The following PLA2G5 variants were observed in gnomAD, a reference collection of about 807,000 sequenced individuals.
PLA2G5 encodes Ca2+-dependent phospholipase A2.
Under a neutral mutation model 15.9 loss-of-function variants are expected in PLA2G5, and 12 were observed. The ratio of observed to expected loss-of-function variants is 0.76; its 90% CI spans 0.48 to 1.23. The LOEUF (loss-of-function observed/expected upper bound fraction) is 1.23. Ranked by LOEUF, PLA2G5 falls within the 50% of genes most tolerant of loss-of-function variation. PLA2G5 has a pLI of 0.00. For missense variants in PLA2G5, 169 were observed against 177.1 expected, an observed-to-expected ratio of 0.95 and a Z score of 0.26; for synonymous variants, 71 against 71.4, an observed-to-expected ratio of 0.99 and a Z score of 0.03.
chr1:20,046,496 T>A (rs1046671035), intron 1 of PLA2G5, among the ~76,000 whole-genome samples: 1 of 152,188 alleles, frequency 6.6e-6, no homozygotes, highest in Non-Finnish European at 1.5e-5. Flanking sequence ...TCTCCTTCCC[T>A]CTCTTGCCAT....
At chr1:20,030,126 GAA>G (rs2012839091) in intron 1 of PLA2G5, among the ~76,000 whole-genome samples, 1 of 152,130 alleles carries the variant, frequency 6.6e-6, no homozygotes, top group Non-Finnish European at 1.5e-5. Context: ...TATAGAGAGA[GAA>G]GAGTGGACCC....
chr1:20,036,661 A>T (rs1386911595), intron 1 of PLA2G5, among the ~76,000 whole-genome samples: 1 of 151,614 alleles, frequency 6.6e-6, no homozygotes, highest in East Asian at 1.9e-4. Context: ...ATTATTTTTT[A>T]AATTTCTTTC....
chr1:20,086,152 C>T lies in PLA2G5; in HGVS notation c.110C>T (p.Ala37Val), dbSNP rs142480941. The change falls in exon 3 of 5, where the codon GCC becomes GTC. Residue 37 changes from alanine to valine, a missense_variant. Ala to Val is a moderately conservative substitution (Grantham distance 64). Transcript: ENST00000375108. ...SMIEKVTGKNALTNYGFYGCY... is the reference protein window; with the variant it reads ...SMIEKVTGKNVLTNYGFYGCY... ...ATCGAGAAGGTGACAGGGAAGAACG[C>T]CCTGACAAACTACGGCTTCTACGGC... 7 of 1,613,962 alleles carry T rather than the reference C, an allele frequency of 4.3e-6. No individual in the cohort carries two copies. Among genetic ancestry groups the T allele is most frequent in the Non-Finnish European group, 5.9e-6 (7 of 1,180,000 alleles).
chr1:20,090,779 A>T lies in PLA2G5; in HGVS notation c.*87A>T. 7.1e-7 allele frequency: 1 copy of T among 1,405,994 alleles called. No homozygotes were observed. Among genetic ancestry groups the T allele is most frequent in the Non-Finnish European group, 1.0e-6 (1 of 998,832 alleles). The allele number at this position is 1,405,994 out of a possible 1,614,324, so 87.1% of individuals were successfully genotyped here. A position where few individuals can be genotyped will look rare whatever the true frequency, so the allele number is the denominator to read the frequency against. Reference sequence around the variant, plus strand: ...ACTGACTCTGCCTGGTTCCTGAGAGAGGCTCCTAAGTCACAGACCTCAGTC... The same window carrying T: ...ACTGACTCTGCCTGGTTCCTGAGAGTGGCTCCTAAGTCACAGACCTCAGTC... On this transcript the variant is annotated 3_prime_UTR_variant, in exon 5 of 5. Coordinates refer to ENST00000375108, the MANE Select transcript of PLA2G5 (RefSeq NM_000929.3).
rs1479299839 is a variant in PLA2G5 at position 20,091,841 on chromosome 1, G to A, written c.*1149G>A. ...CCCCAAAATAACTGCATGATAAATAGGTCTATATTTAAAAAGCTCTAGTGT... is the reference window on the plus strand; with the variant it reads ...CCCCAAAATAACTGCATGATAAATAAGTCTATATTTAAAAAGCTCTAGTGT... On this transcript the variant is annotated 3_prime_UTR_variant, in exon 5 of 5. Coordinates refer to ENST00000375108, the MANE Select transcript of PLA2G5 (RefSeq NM_000929.3). Among the ~76,000 whole-genome samples, 1 of 152,064 alleles carries A rather than the reference G, an allele frequency of 6.6e-6. No homozygotes were observed. The highest frequency in any genetic ancestry group is 1.5e-5 in the Non-Finnish European group (1 of 68,024).
At chr1:20,042,374 T>G (rs2013649632) in intron 1 of PLA2G5, among the ~76,000 whole-genome samples, 1 of 151,912 alleles carries the variant, frequency 6.6e-6, no homozygotes, top group South Asian at 2.1e-4. Flanking sequence ...GATACAGCCG[T>G]GGGGGTCAGG....
At chr1:20,046,031 G>A (rs936832055) in intron 1 of PLA2G5, 2 of 152,252 alleles carry the variant, frequency 1.3e-5, no homozygotes, top group Middle Eastern at 3.4e-3. Flanking sequence ...TTGGAAGGCA[G>A]GTAACTCCTT....
At position 20,090,703 on chromosome 1, in the gene PLA2G5, C is replaced by T. The variant is rs754485678; in HGVS notation, c.*11C>T. The T allele has an allele frequency of 6.2e-6, 10 of 1,613,618 alleles. No homozygotes were observed. Among genetic ancestry groups the T allele is most frequent in the Non-Finnish European group, 8.5e-6 (10 of 1,179,644 alleles). ...ATCCTCTGCTCCTAGGCCTCCCCAGCGAGCTCCTCCCAGACCAAGACTTTT... is the reference window on the plus strand; with the variant it reads ...ATCCTCTGCTCCTAGGCCTCCCCAGTGAGCTCCTCCCAGACCAAGACTTTT... On this transcript the variant is annotated 3_prime_UTR_variant, in exon 5 of 5. Transcript: ENST00000375108.
intron 2 of PLA2G5, among the ~76,000 whole-genome samples, chr1:20,062,531 T>C (rs1202349039): frequency 6.6e-6 from 1 of 152,184 alleles, no homozygotes; most frequent in Non-Finnish European, 1.5e-5. Flanking sequence ...TGGCAGCTCA[T>C]GCCTGTAATC....
In PLA2G5 at chr1:20,050,159, C is replaced by A. The variant is rs114445246; in HGVS notation, n.277-9473C>A. Among the ~76,000 whole-genome samples the A allele has an allele frequency of 2.4e-3, 363 of 152,208 alleles. 2 individuals carry two copies. Among genetic ancestry groups the A allele is most frequent in the African/African-American group, 7.4e-3 (307 of 41,522 alleles). ...TTTTTAAAATTAAGGTTATTATATT[C>A]ATGTATCTTTCTGTATGTGCTTTTA... is the stretch of plus-strand genomic sequence containing the variant. On this transcript the variant is annotated intron_variant and non_coding_transcript_variant, in intron 1 of 6. Coordinates refer to the PLA2G5 transcript ENST00000460175.
chr1:20,028,553 G>A (rs542471501), exon 1 of PLA2G5: 1 of 152,336 alleles, frequency 6.6e-6, no homozygotes, highest in East Asian at 1.9e-4. Context: ...TGTAACCAGG[G>A]TTTGGGTTTT....
Position 20,057,706 on chromosome 1 carries a change from C to T in PLA2G5, n.277-1926C>T, listed in dbSNP as rs1569711533. On this transcript the variant is annotated intron_variant and non_coding_transcript_variant, in intron 1 of 6. Coordinates refer to the PLA2G5 transcript ENST00000460175. The stretch of plus-strand genomic sequence containing the variant: ...TAGAGATGGGGTTTCACCATGTTGG[C>T]CAGGCTGGTCTCAAACTCCTGACCT... Among the ~76,000 whole-genome samples, 5 of 152,250 alleles carry T rather than the reference C, an allele frequency of 3.3e-5. No homozygotes were observed. In the East Asian group the frequency reaches 9.6e-4, roughly 29 times the overall value.
intron 1 of PLA2G5, among the ~76,000 whole-genome samples, 194 bp downstream of exon 1, chr1:20,070,659 G>A (rs571827421): frequency 8.5e-5 from 13 of 152,268 alleles, no homozygotes; most frequent in East Asian, 3.9e-4. Flanking sequence ...CCTGGAGAGC[G>A]GGCTTTTAAG....
chr1:20,076,768 C>A (rs1557748162), intron 1 of PLA2G5: 1 of 152,234 alleles, frequency 6.6e-6, no homozygotes, highest in Non-Finnish European at 1.5e-5. Flanking sequence ...CAGGAAATGC[C>A]AGAGTGGACA....
intron 1 of PLA2G5, among the ~76,000 whole-genome samples, chr1:20,033,063 G>A (rs1326052734): frequency 3.9e-5 from 6 of 152,198 alleles, no homozygotes; most frequent in Non-Finnish European, 8.8e-5. Flanking sequence ...TGCATATTTG[G>A]AATTGGTGTA....
chr1:20,031,697 AT>A (rs71010527), intron 1 of PLA2G5, among the ~76,000 whole-genome samples: 27,043 of 151,254 alleles, frequency 0.18, 2,497 homozygotes, highest in African/African-American at 0.21. Context: ...CTGGATGTAA[AT>A]TTGGTGCTCT....
chr1:20,076,197 C>A (rs6697723), intron 1 of PLA2G5, among the ~76,000 whole-genome samples: 20,229 of 152,108 alleles, frequency 0.13, 1,789 homozygotes, highest in African/African-American at 0.25. Context: ...TGTCTAGGAT[C>A]TCTTAGCATT....
chr1:20,086,064 G>A lies in PLA2G5; in HGVS notation c.41-19G>A. On this transcript the variant is annotated intron_variant, in intron 2 of 4. Transcript: ENST00000375108. ...CTGGGCTGCCTGGGTGTCACCTGGG[G>A]ACATGGGCTATCTTCCAGGTGTGCC... The A allele has an allele frequency of 6.2e-7, 1 of 1,613,732 alleles. No homozygotes were observed. Among genetic ancestry groups the A allele is most frequent in the Non-Finnish European group, 8.5e-7 (1 of 1,179,838 alleles).
At chr1:20,045,538 A>G (rs1031252395) in intron 1 of PLA2G5, among the ~76,000 whole-genome samples, 4 of 152,226 alleles carry the variant, frequency 2.6e-5, no homozygotes, top group African/African-American at 9.7e-5. Context: ...ACTGAAATTA[A>G]GAGAAGGGAG....
Sources: allele counts gnomAD v4.1 joint callset (sites outside exome capture counted in the v4.1 genomes callset), GRCh38; gene constraint gnomAD v4.1.1; transcripts MANE v1.5; gene names NCBI Gene and HGNC (gene_info 2026-07-23, HGNC 2026-07-21).